The following EPB41L2 variants were observed in gnomAD, a reference collection of about 807,000 sequenced individuals.
The protein encoded by EPB41L2 is band 4.1-like protein 2.
In EPB41L2, 43 loss-of-function variants were observed where a neutral mutation model predicts 113.0. The ratio of observed to expected loss-of-function variants is 0.38; its 90% CI spans 0.30 to 0.49. EPB41L2 has a LOEUF of 0.49. Among genes scored for constraint, EPB41L2 ranks in the 20% least tolerant of loss-of-function variants. The probability of loss-of-function intolerance (pLI) is 0.95; values close to 1 mark genes in which losing one functional copy is unlikely to be tolerated. For missense variants in EPB41L2, 1,147 were observed against 1,223.4 expected (o/e 0.94, Z 0.93); for synonymous variants, 442 against 436.7 (o/e 1.01, Z -0.15).
intron 1 of EPB41L2, among the ~76,000 whole-genome samples, chr6:131,033,928 A>T (rs1792765052): frequency 6.6e-6 from 1 of 152,208 alleles, no homozygotes; most frequent in South Asian, 2.1e-4. Flanking sequence ...AAATGGTTAA[A>T]ATGGCAAATT....
chr6:130,894,772 G>C (rs1240239609), intron 9 of EPB41L2, among the ~76,000 whole-genome samples, 195 bp downstream of exon 9: 1 of 152,074 alleles, frequency 6.6e-6, no homozygotes, highest in African/African-American at 2.4e-5. Flanking sequence ...TGTAAAAAGC[G>C]TGATGGTTGC....
At chr6:131,039,627 AT>A (rs2128181938) in intron 1 of EPB41L2, among the ~76,000 whole-genome samples, 2 of 152,276 alleles carry the variant, frequency 1.3e-5, no homozygotes, top group East Asian at 3.9e-4. Flanking sequence ...ATTTGATGTT[AT>A]TCCCCAAAAG....
intron 1 of EPB41L2, chr6:130,970,498 A>T (rs1776509593): frequency 6.6e-6 from 1 of 152,148 alleles, no homozygotes; most frequent in African/African-American, 2.4e-5. Flanking sequence ...GTCAAAGAAA[A>T]AAGTCAGCTT....
chr6:131,051,468 ACACACAC>A (rs1796539561), intron 1 of EPB41L2, among the ~76,000 whole-genome samples: 1 of 137,006 alleles, frequency 7.3e-6, no homozygotes, highest in African/African-American at 2.9e-5. Context: ...AAAAAAAAAC[ACACACAC>A]ACACACACAC....
intron 19 of EPB41L2, among the ~76,000 whole-genome samples, chr6:130,844,064 T>C (rs1039030674): frequency 3.9e-5 from 6 of 152,176 alleles, no homozygotes; most frequent in Non-Finnish European, 4.4e-5. Context: ...TCAAAAAGCA[T>C]TTGACAGAAA....
chr6:130,842,088 A>C (rs1775699153), intron 19 of EPB41L2, among the ~76,000 whole-genome samples: 1 of 152,192 alleles, frequency 6.6e-6, no homozygotes, highest in African/African-American at 2.4e-5. Context: ...TCCCAAAGTC[A>C]ATTAGAATGT....
At chr6:130,874,468 G>C (rs1293236027) in intron 14 of EPB41L2, among the ~76,000 whole-genome samples, 3 of 152,032 alleles carry the variant, frequency 2.0e-5, no homozygotes, top group East Asian at 1.9e-4. Context: ...AAATTGAAAA[G>C]GTACTCTGGT....
intron 1 of EPB41L2, among the ~76,000 whole-genome samples, chr6:130,971,846 T>C (rs1776866015): frequency 6.6e-6 from 1 of 152,196 alleles, no homozygotes; most frequent in Admixed American, 6.5e-5. Flanking sequence ...AAACTGCAAA[T>C]ATATCATCCA....
chr6:130,880,273 C>T, intron 12 of EPB41L2, 67 bp from the exon 13 acceptor site: 1 of 1,089,642 alleles, frequency 9.2e-7, no homozygotes, highest in Non-Finnish European at 1.4e-6. Flanking sequence ...TCAGCAAGCA[C>T]CAAAATGACC....
At position 130,867,542 on chromosome 6, in the gene EPB41L2, C is replaced by CCAGAGGT. The variant is rs781365797; in HGVS notation, c.2646_2647insACCTCTG (p.Ala883ThrfsTer20). On this transcript the variant is annotated frameshift_variant, in exon 16 of 20. Coordinates refer to ENST00000337057, the MANE Select transcript of EPB41L2 (RefSeq NM_001431.4). LOFTEE classifies it high-confidence loss of function. Reference sequence around the variant, plus strand: ...GTGGAGATTTCTGTCCTTTGTGAGGCATCAGAAATTGTTACCATCTCTGTT... The same window carrying CCAGAGGT: ...GTGGAGATTTCTGTCCTTTGTGAGGCCAGAGGTATCAGAAATTGTTACCATCTCTGTT... 5 of 1,613,872 alleles carry CCAGAGGT rather than the reference C, an allele frequency of 3.1e-6. No individual in the cohort carries two copies. Among genetic ancestry groups the CCAGAGGT allele is most frequent in the Non-Finnish European group, 3.4e-6 (4 of 1,179,854 alleles).
intron 1 of EPB41L2, among the ~76,000 whole-genome samples, chr6:130,997,738 G>A (rs1044060692): frequency 6.6e-6 from 1 of 152,116 alleles, no homozygotes; most frequent in African/African-American, 2.4e-5. Context: ...GACACTACAG[G>A]ACTATTGCAT....
intron 1 of EPB41L2, chr6:130,978,844 T>C (rs755357718): frequency 2.0e-5 from 3 of 152,200 alleles, no homozygotes; most frequent in Non-Finnish European, 2.9e-5. Flanking sequence ...GAAGGAAGAA[T>C]GCTTCCCGAG....
chr6:130,942,220 C>T (rs1259338347), intron 3 of EPB41L2, among the ~76,000 whole-genome samples: 1 of 152,170 alleles, frequency 6.6e-6, no homozygotes, highest in Non-Finnish European at 1.5e-5. Flanking sequence ...ATAGAATGCA[C>T]CTAATTCCAG....
At position 130,956,385 on chromosome 6, in the gene EPB41L2, T is replaced by C. The variant is rs147766210; in HGVS notation, c.101A>G (p.Gln34Arg). ...CTCTGGATCGGAAGACTGATTCTGC[T>C]GATTTTCTGCTACTTCTTTAGGTTT... is the stretch of plus-strand genomic sequence containing the variant. ...KEKPKEVAENQQNQSSDPEEE... is the reference protein window; with the variant it reads ...KEKPKEVAENRQNQSSDPEEE... The change falls in exon 2 of 20, where the codon CAG becomes CGG. Residue 34 changes from glutamine to arginine, a missense_variant. Gln to Arg is a conservative substitution (Grantham distance 43). Coordinates refer to ENST00000337057, the MANE Select transcript of EPB41L2 (RefSeq NM_001431.4). 10 of 1,614,080 alleles carry C rather than the reference T, an allele frequency of 6.2e-6. No individual in the cohort carries two copies. The highest frequency in any genetic ancestry group is 8.5e-6 in the Non-Finnish European group (10 of 1,180,050).
intron 1 of EPB41L2, among the ~76,000 whole-genome samples, chr6:131,003,709 C>T (rs982883582): frequency 3.3e-5 from 5 of 152,170 alleles, no homozygotes; most frequent in Admixed American, 2.0e-4. Flanking sequence ...CCTACTTCTA[C>T]ACACATGCCC....
chr6:131,008,782 A>G (rs1562721919), intron 1 of EPB41L2, among the ~76,000 whole-genome samples: 2 of 152,178 alleles, frequency 1.3e-5, no homozygotes. Context: ...TTACTGCCCT[A>G]TTGGATTTCA....
chr6:130,881,830 A>T (rs922204482), intron 12 of EPB41L2: 1 of 152,242 alleles, frequency 6.6e-6, no homozygotes, highest in Admixed American at 6.5e-5. Context: ...ACAGAATAGT[A>T]CCTTCCTTAT....
Position 130,869,584 on chromosome 6 carries a change from T to A in EPB41L2, c.2586A>T (p.Pro862=). The A allele has an allele frequency of 6.2e-7, 1 of 1,614,144 alleles. No homozygotes were observed. The highest frequency in any genetic ancestry group is 8.5e-7 in the Non-Finnish European group (1 of 1,179,986). The change falls in exon 15 of 20, where the codon CCA becomes CCT. Residue 862 remains proline, a synonymous_variant. Coordinates refer to ENST00000337057, the MANE Select transcript of EPB41L2 (RefSeq NM_001431.4). Reference sequence around the variant, plus strand: ...TTACCTCTGAACAACAAATAATTTGTGGCAAAACATCAATGTCAACATGGG... The same window carrying A: ...TTACCTCTGAACAACAAATAATTTGAGGCAAAACATCAATGTCAACATGGG... ...EVSHVDIDVL[P]QIICCSEPPV...
intron 19 of EPB41L2, among the ~76,000 whole-genome samples, chr6:130,848,016 T>C (rs1777543436): frequency 6.6e-6 from 1 of 152,088 alleles, no homozygotes; most frequent in African/African-American, 2.4e-5. Context: ...AAAGCTTTCA[T>C]CTTTTAGAAA....
Sources: gnomAD v4.1 joint callset for allele counts (sites outside exome capture counted in the v4.1 genomes callset) on GRCh38, gnomAD v4.1.1 for gene constraint, MANE v1.5 for transcripts, NCBI Gene and HGNC (gene_info 2026-07-23, HGNC 2026-07-21) for gene names.